SPECC1L: variants seen among roughly 807,000 people sequenced by gnomAD.
SPECC1L encodes the protein cytospin-A.
Under a neutral mutation model 116.8 loss-of-function variants are expected in SPECC1L, and 40 were observed. The observed-to-expected ratio is 0.34, with a 90% CI of 0.27 to 0.45. SPECC1L has a LOEUF of 0.45. Among genes scored for constraint, SPECC1L ranks in the 20% least tolerant of loss-of-function variants. The probability of loss-of-function intolerance (pLI) is 1.00; values close to 1 mark genes in which losing one functional copy is unlikely to be tolerated. For missense variants in SPECC1L, 1,110 were observed against 1,373.6 expected (o/e 0.81, Z 3.03); for synonymous variants, 504 against 500.6 (o/e 1.01, Z -0.09).
chr22:24,273,554 C>T (rs1403297784), intron 1 of SPECC1L, among the ~76,000 whole-genome samples: 1 of 151,948 alleles, frequency 6.6e-6, no homozygotes. Flanking sequence ...TCTTGTTTTC[C>T]TGCTGCTGTT....
At chr22:24,287,622 G>T (rs1569404719) in intron 2 of SPECC1L, among the ~76,000 whole-genome samples, 2 of 152,188 alleles carry the variant, frequency 1.3e-5, no homozygotes, top group African/African-American at 2.4e-5. Context: ...CCACCCTTGA[G>T]ATTAGAAAGA....
chr22:24,337,292 A>C (rs1458286060), intron 9 of SPECC1L, among the ~76,000 whole-genome samples: 3 of 152,246 alleles, frequency 2.0e-5, no homozygotes, highest in African/African-American at 7.2e-5. Context: ...TTTAACATGG[A>C]TGAATCTTTA....
At chr22:24,328,660 A>G (rs887642403) in intron 6 of SPECC1L, among the ~76,000 whole-genome samples, 186 bp from the exon 7 acceptor site, 2 of 152,224 alleles carry the variant, frequency 1.3e-5, no homozygotes, top group African/African-American at 4.8e-5. Flanking sequence ...TATTTTCCAA[A>G]GAAAGTAATA....
intron 12 of SPECC1L, 43 bp from the exon 13 acceptor site, chr22:24,365,433 A>G (rs201945017): frequency 5.0e-6 from 8 of 1,601,068 alleles, no homozygotes; most frequent in Admixed American, 1.7e-5. Flanking sequence ...AACTCAGTCT[A>G]AAATGTTTTT....
chr22:24,346,945 G>A (rs2041308383), intron 10 of SPECC1L, 141 bp from the exon 11 acceptor site: 1 of 729,668 alleles, frequency 1.4e-6, no homozygotes, highest in Admixed American at 2.1e-5. Flanking sequence ...GTCCATGCCT[G>A]TAAGGTGTGT....
intron 3 of SPECC1L, among the ~76,000 whole-genome samples, chr22:24,307,154 G>A (rs947139982): frequency 6.6e-6 from 1 of 152,022 alleles, no homozygotes; most frequent in African/African-American, 2.4e-5. Flanking sequence ...TTCAATTTTG[G>A]GGGGGGTATA....
At chr22:24,317,632 C>T (rs1465760411) in intron 4 of SPECC1L, among the ~76,000 whole-genome samples, 5 of 149,168 alleles carry the variant, frequency 3.4e-5, no homozygotes, top group African/African-American at 7.4e-5. Context: ...ACCTCCCTCC[C>T]GGACGGGGCG....
intron 13 of SPECC1L, 106 bp from the exon 14 acceptor site, chr22:24,369,112 C>T (rs2041827237): frequency 2.5e-6 from 2 of 790,074 alleles, no homozygotes; most frequent in South Asian, 1.4e-5. Context: ...CTTTGTATTG[C>T]CTTACCATGT....
chr22:24,356,676 A>G lies in SPECC1L; in HGVS notation c.2744-6585A>G, dbSNP rs76371031. ...GTTTAATATGATTATTATTATGGTT[A>G]GATTAAAATCTACCACCTTGTCGTG... On this transcript the variant is annotated intron_variant, in intron 11 of 16. Transcript: ENST00000314328. 6.0e-3 allele frequency among the ~76,000 whole-genome samples: 915 copies of G among 152,278 alleles called. 5 individuals carry two copies. Among genetic ancestry groups the G allele is most frequent in the African/African-American group, 0.021 (880 of 41,562 alleles).
chr22:24,366,115 G>A (rs1230744513), intron 13 of SPECC1L, among the ~76,000 whole-genome samples: 5 of 152,038 alleles, frequency 3.3e-5, no homozygotes, highest in Non-Finnish European at 7.4e-5. Context: ...GATACAGAAG[G>A]CCAGAAGAAG....
chr22:24,391,958 T>G (rs1416953323), intron 14 of SPECC1L, among the ~76,000 whole-genome samples: 2 of 152,242 alleles, frequency 1.3e-5, no homozygotes, highest in African/African-American at 2.4e-5. Context: ...AGATAAAATG[T>G]GAAATACTTC....
At chr22:24,414,451 A>G in intron 16 of SPECC1L, 83 bp from the exon 17 acceptor site, 1 of 1,111,256 alleles carries the variant, frequency 9.0e-7, no homozygotes, top group Non-Finnish European at 1.4e-6. Context: ...CAACTCCAAG[A>G]GCCCATGTTG....
intron 11 of SPECC1L, among the ~76,000 whole-genome samples, chr22:24,348,442 T>G (rs953694974): frequency 3.3e-5 from 5 of 152,194 alleles, no homozygotes; most frequent in Admixed American, 6.5e-5. Context: ...AGTGTTCTGA[T>G]AAGCTGGTTG....
chr22:24,342,767 A>T (rs896866503), intron 10 of SPECC1L, among the ~76,000 whole-genome samples: 1 of 152,118 alleles, frequency 6.6e-6, no homozygotes, highest in Non-Finnish European at 1.5e-5. Context: ...AGAGGTAAAA[A>T]GACTGGGGAA....
chr22:24,317,544 C>G (rs1266706928), intron 4 of SPECC1L, among the ~76,000 whole-genome samples: 1 of 135,352 alleles, frequency 7.4e-6, no homozygotes, highest in East Asian at 2.3e-4. Flanking sequence ...CTCCTCACTT[C>G]CCAGTAGGGG....
At chr22:24,410,746 A>G (rs1365232448) in intron 14 of SPECC1L, among the ~76,000 whole-genome samples, 1 of 152,278 alleles carries the variant, frequency 6.6e-6, no homozygotes, top group East Asian at 1.9e-4. Context: ...CTCACCATCC[A>G]TCAGAGCAGG....
chr22:24,328,895 A>G lies in SPECC1L; in HGVS notation c.2196A>G (p.Ile732Met). Residue 732 changes from isoleucine (I) to methionine (M), a missense_variant, in exon 7 of 17, where the codon ATA becomes ATG. Transcript: ENST00000314328. ...AAAAGCACGACATGGAAAGAGAAAT[A>G]AAGACACTCCACAGAAGACTTCGGG... ...QDQKHDMERE[I>M]KTLHRRLREE... 1 of 1,613,758 alleles carries G rather than the reference A, an allele frequency of 6.2e-7. No individual in the cohort carries two copies. Among genetic ancestry groups the G allele is most frequent in the Non-Finnish European group, 8.5e-7 (1 of 1,179,710 alleles).
chr22:24,414,742 CGT>C lies in SPECC1L; in HGVS notation c.*123_*124del. On this transcript the variant is annotated 3_prime_UTR_variant, in exon 17 of 17. Transcript: ENST00000314328. ...CCAGCAACTCTGGGCTGCCCCACAG[CGT>C]GTGAGCCTCCAGCTCGGGGCTTCCG... 1.2e-6 allele frequency: 1 copy of C among 840,040 alleles called. No homozygotes were observed. The highest frequency in any genetic ancestry group is 1.4e-5 in the South Asian group (1 of 70,294). 52.0% of individuals were successfully genotyped at this position (840,040 alleles called of 1,614,324 possible). A position where few individuals can be genotyped will look rare whatever the true frequency, so the allele number is the denominator to read the frequency against.
intron 14 of SPECC1L, among the ~76,000 whole-genome samples, chr22:24,382,250 C>G (rs1193255416): frequency 2.0e-5 from 3 of 152,052 alleles, no homozygotes; most frequent in African/African-American, 4.8e-5. Flanking sequence ...GCTTTTTTCC[C>G]TTAGGGCGGT....
Sources: allele counts gnomAD v4.1 joint callset (sites outside exome capture counted in the v4.1 genomes callset), GRCh38; gene constraint gnomAD v4.1.1; transcripts MANE v1.5; gene names NCBI Gene and HGNC (gene_info 2026-07-23, HGNC 2026-07-21).